Variants in TRANK1 observed in about 807,000 individuals in gnomAD.
The protein encoded by TRANK1 is TPR and ankyrin repeat-containing protein 1.
A neutral mutation model predicts 266.0 loss-of-function variants in TRANK1; 198 were observed. The ratio of observed to expected loss-of-function variants is 0.74; its 90% CI spans 0.66 to 0.84. The LOEUF (loss-of-function observed/expected upper bound fraction) is 0.84. TRANK1 is among the 40% of genes least tolerant of loss of function. The pLI, the probability that TRANK1 is intolerant of heterozygous loss-of-function variation, is 0.00. For synonymous variants in TRANK1, 1,396 were observed against 1,384.1 expected, an observed-to-expected ratio of 1.01 and a Z score of -0.19; for missense variants, 3,326 against 3,634.6, an observed-to-expected ratio of 0.92 and a Z score of 2.18.
rs535477509 is a variant in TRANK1 at position 36,862,227 on chromosome 3, C to G, written c.1241-1067G>C. Reference sequence around the variant, plus strand: ...GAATTCTGTATTTTGTCTGGCAACCCTACCACTAAGAAAGCAGGGAGGAAG... The same window carrying G: ...GAATTCTGTATTTTGTCTGGCAACCGTACCACTAAGAAAGCAGGGAGGAAG... On this transcript the variant is annotated intron_variant, in intron 10 of 23. Coordinates refer to ENST00000645898, the MANE Select transcript of TRANK1 (RefSeq NM_001329998.2). Among the ~76,000 whole-genome samples, 39 of 152,112 alleles carry G rather than the reference C, an allele frequency of 2.6e-4. 1 individual carries two copies. Among genetic ancestry groups the G allele is most frequent in the African/African-American group, 9.4e-4 (39 of 41,494 alleles).
chr3:36,941,260 A>C (rs1417986296), intron 1 of TRANK1, among the ~76,000 whole-genome samples: 1 of 152,234 alleles, frequency 6.6e-6, no homozygotes, highest in East Asian at 1.9e-4. Flanking sequence ...AAAAAATAAA[A>C]AATCCCAATC....
In TRANK1 at chr3:36,833,810, T is replaced by C; in HGVS notation, c.5773A>G (p.Lys1925Glu). Residue 1925 changes from lysine to glutamate, a missense_variant, in exon 22 of 24, where the codon AAG becomes GAG. Transcript: ENST00000645898. ...TTTGAGAGGACAGCCATCATTTCCTTCATCTTATTTGCACTCAGATACTTT... is the reference window on the plus strand; with the variant it reads ...TTTGAGAGGACAGCCATCATTTCCTCCATCTTATTTGCACTCAGATACTTT... ...AAKYLSANKM[K>E]EMMAVLSKLD... is the part of the protein sequence containing the mutation. The C allele has an allele frequency of 5.6e-6, 9 of 1,614,040 alleles. No homozygotes were observed. The highest frequency in any genetic ancestry group is 6.8e-6 in the Non-Finnish European group (8 of 1,179,896).
At chr3:36,880,109 TATATAAATATATATAAAC>T (rs1559450024) in intron 8 of TRANK1, 2 of 143,440 alleles carry the variant, frequency 1.4e-5, no homozygotes, top group Non-Finnish European at 1.5e-5. Flanking sequence ...TATATAAACA[TATATAAATATATATAAAC>T]ATATAAATAT....
intron 2 of TRANK1, among the ~76,000 whole-genome samples, chr3:36,906,218 A>G (rs1203846925): frequency 6.6e-6 from 1 of 152,146 alleles, no homozygotes; most frequent in Non-Finnish European, 1.5e-5. Context: ...CTCAACCTCA[A>G]CTAGAGTGTA....
At chr3:36,934,549 C>A (rs1368546128) in intron 1 of TRANK1, among the ~76,000 whole-genome samples, 1 of 152,184 alleles carries the variant, frequency 6.6e-6, no homozygotes, top group Non-Finnish European at 1.5e-5. Flanking sequence ...AGACAAGGGT[C>A]TATAATACCA....
At chr3:36,834,740 G>A (rs1338612381) in intron 21 of TRANK1, 22 bp downstream of exon 21, 6 of 1,602,876 alleles carry the variant, frequency 3.7e-6, no homozygotes. Flanking sequence ...GAGGGAGAAA[G>A]GGAGAGAATA....
At position 36,857,936 on chromosome 3, in the gene TRANK1, G is replaced by T; in HGVS notation, c.1786C>A (p.His596Asn). Residue 596 changes from histidine (H) to asparagine (N), a missense_variant, in exon 13 of 24, where the codon CAC (histidine) becomes AAC (asparagine). Coordinates refer to ENST00000645898, the MANE Select transcript of TRANK1 (RefSeq NM_001329998.2). The surrounding 1 kb of genome is among the most constrained non-coding windows in gnomAD (Gnocchi z 4.3). ...AGCATGCCCTTCTGGAAGAGGATGT[G>T]CATCAGCGTGTTCCCATTGCTGTCC... ...VQDSNGNTLM[H>N]ILFQKGMLKR... 1 of 1,604,254 alleles carries T rather than the reference G, an allele frequency of 6.2e-7. No individual in the cohort carries two copies.
chr3:36,891,965 A>T (rs1419784067), intron 7 of TRANK1, among the ~76,000 whole-genome samples: 2 of 152,232 alleles, frequency 1.3e-5, no homozygotes, highest in Non-Finnish European at 2.9e-5. Flanking sequence ...TCCTGCCAGG[A>T]TCTGCCTAGA....
rs376331606 is a variant in TRANK1 at position 36,832,221 on chromosome 3, G to A, written c.7362C>T (p.Ala2454=). 4.0e-5 allele frequency: 65 copies of A among 1,613,850 alleles called. No individual in the cohort carries two copies. The highest frequency in any genetic ancestry group is 5.4e-5 in the Non-Finnish European group (64 of 1,179,900). Residue 2454 remains alanine, a synonymous_variant, in exon 22 of 24, where the codon GCC becomes GCT. Coordinates refer to ENST00000645898, the MANE Select transcript of TRANK1 (RefSeq NM_001329998.2). ...PLIPSIGNTV[A]LLEFQFIHCG... The stretch of plus-strand genomic sequence containing the variant: ...AGTGGATGAACTGGAACTCCAGGAG[G>A]GCTACTGTGTTTCCAATGCTGGGGA...
chr3:36,842,505 G>T, intron 18 of TRANK1, 117 bp downstream of exon 18: 1 of 850,106 alleles, frequency 1.2e-6, no homozygotes, highest in Non-Finnish European at 1.9e-6. Context: ...CAGAACACGT[G>T]GCACAAGCAC....
intron 1 of TRANK1, among the ~76,000 whole-genome samples, chr3:36,927,255 A>AC (rs1186424006): frequency 1.3e-5 from 2 of 152,228 alleles, no homozygotes; most frequent in African/African-American, 4.8e-5. Flanking sequence ...GGTGAGACCT[A>AC]CACTCACATG....
intron 13 of TRANK1, among the ~76,000 whole-genome samples, chr3:36,852,969 C>A (rs976494527): frequency 3.9e-5 from 6 of 151,992 alleles, no homozygotes; most frequent in African/African-American, 1.2e-4. Context: ...CACCCTTTTC[C>A]CCCAGGTTTA....
intron 2 of TRANK1, among the ~76,000 whole-genome samples, chr3:36,907,790 A>AT (rs947479218): frequency 3.0e-4 from 45 of 152,222 alleles, no homozygotes; most frequent in Middle Eastern, 3.4e-3. Flanking sequence ...TACATATTTT[A>AT]TTTTTTTATC....
intron 1 of TRANK1, among the ~76,000 whole-genome samples, chr3:36,909,405 G>A (rs1185306347): frequency 6.6e-6 from 1 of 152,158 alleles, no homozygotes; most frequent in East Asian, 1.9e-4. Context: ...AGGCAGGAGA[G>A]GAGAGCACCC....
In TRANK1 at chr3:36,829,640, C is replaced by G; in HGVS notation, c.8733G>C (p.Leu2911=). The G allele has an allele frequency of 2.5e-6, 4 of 1,613,924 alleles. No individual in the cohort carries two copies. The highest frequency in any genetic ancestry group is 3.4e-6 in the Non-Finnish European group (4 of 1,179,880). Residue 2911 remains leucine (L), a synonymous_variant, in exon 23 of 24, where the codon CTG becomes CTC. Coordinates refer to ENST00000645898, the MANE Select transcript of TRANK1 (RefSeq NM_001329998.2). ...WAGAEEAMTR[L]VNILILSVRD... The stretch of plus-strand genomic sequence containing the variant: ...TGACTGACAGGATCAGAATGTTGAC[C>G]AGCCGAGTCATCGCCTCCTCCGCTT...
At chr3:36,921,441 G>A (rs530553474) in intron 1 of TRANK1, among the ~76,000 whole-genome samples, 1 of 152,300 alleles carries the variant, frequency 6.6e-6, no homozygotes, top group East Asian at 1.9e-4. Flanking sequence ...AAATTTATTT[G>A]TAACATTCTC....
chr3:36,838,274 C>A (rs2078796472), intron 20 of TRANK1, 98 bp downstream of exon 20: 7 of 1,512,926 alleles, frequency 4.6e-6, no homozygotes, highest in Non-Finnish European at 5.3e-6. Flanking sequence ...TGGAAGACTG[C>A]AGCCTCTTCC....
chr3:36,869,628 C>T (rs1408207033), intron 9 of TRANK1, among the ~76,000 whole-genome samples: 1 of 152,246 alleles, frequency 6.6e-6, no homozygotes, highest in Non-Finnish European at 1.5e-5. Context: ...GATCCTCCTT[C>T]ATTCCCATGG....
At chr3:36,927,360 A>C (rs1403632078) in intron 1 of TRANK1, among the ~76,000 whole-genome samples, 5 of 152,210 alleles carry the variant, frequency 3.3e-5, no homozygotes, top group African/African-American at 9.7e-5. Flanking sequence ...GAAAGCAAAA[A>C]CAGACAACAG....
Sources: allele counts gnomAD v4.1 joint callset (sites outside exome capture counted in the v4.1 genomes callset), GRCh38; gene constraint gnomAD v4.1.1; non-coding constraint Gnocchi (gnomAD v3.1); transcripts MANE v1.5; gene names NCBI Gene and HGNC (gene_info 2026-07-23, HGNC 2026-07-21).